STK32B: variants seen among roughly 807,000 people sequenced by gnomAD.
The protein encoded by STK32B is serine/threonine-protein kinase 32B.
STK32B carries 43 observed loss-of-function variants against 52.6 expected under a neutral mutation model. That is an observed-to-expected ratio of 0.82 (90% CI 0.64 to 1.05). The LOEUF (loss-of-function observed/expected upper bound fraction) is 1.05. Ranked by LOEUF, STK32B falls within the 50% of genes least tolerant of loss-of-function variation. The pLI is 0.00. For synonymous variants in STK32B, 238 were observed against 204.3 expected, an observed-to-expected ratio of 1.17 and a Z score of -1.41; for missense variants, 621 against 534.6, an observed-to-expected ratio of 1.16 and a Z score of -1.59.
chr4:5,359,729 T>G (rs1352269671), intron 4 of STK32B, among the ~76,000 whole-genome samples: 2 of 152,026 alleles, frequency 1.3e-5, no homozygotes, highest in Admixed American at 6.6e-5. Flanking sequence ...TGGCAACATT[T>G]CCAGGCGGAG....
intron 6 of STK32B, among the ~76,000 whole-genome samples, chr4:5,428,424 C>A (rs1713279622): frequency 6.6e-6 from 1 of 151,938 alleles, no homozygotes. Context: ...ACAAAACAAA[C>A]AAACAAAAAA....
intron 2 of STK32B, among the ~76,000 whole-genome samples, chr4:5,165,941 C>A (rs895018498): frequency 2.0e-5 from 3 of 152,190 alleles, no homozygotes; most frequent in Non-Finnish European, 4.4e-5. Context: ...ACTCCCACTT[C>A]CTGCTCCTGT....
chr4:5,365,340 T>C (rs1327462005), intron 4 of STK32B, among the ~76,000 whole-genome samples: 2 of 152,214 alleles, frequency 1.3e-5, no homozygotes, highest in East Asian at 3.8e-4. Flanking sequence ...TTTGAACTGT[T>C]TGGTGCATTT....
At chr4:5,353,730 C>G (rs1287788846) in intron 4 of STK32B, among the ~76,000 whole-genome samples, 1 of 151,984 alleles carries the variant, frequency 6.6e-6, no homozygotes, top group Non-Finnish European at 1.5e-5. Flanking sequence ...ACTAAAAGGA[C>G]AAAATAATAG....
chr4:5,186,342 T>C (rs946080498), intron 3 of STK32B, among the ~76,000 whole-genome samples: 2 of 152,168 alleles, frequency 1.3e-5, no homozygotes, highest in Admixed American at 1.3e-4. Flanking sequence ...CATACCTTAT[T>C]CATCTCTGTC....
intron 1 of STK32B, among the ~76,000 whole-genome samples, chr4:5,072,188 C>T (rs1242869934): frequency 6.6e-6 from 1 of 152,144 alleles, no homozygotes; most frequent in African/African-American, 2.4e-5. Flanking sequence ...CTAGTATATT[C>T]TACACTGACA....
intron 3 of STK32B, among the ~76,000 whole-genome samples, chr4:5,321,463 G>A (rs1440514797): frequency 6.6e-6 from 1 of 152,132 alleles, no homozygotes; most frequent in African/African-American, 2.4e-5. Context: ...GGGCTGTGTT[G>A]GTCATTCCCC....
chr4:5,238,278 C>T (rs73081663), intron 3 of STK32B, among the ~76,000 whole-genome samples: 1,699 of 152,134 alleles, frequency 0.011, 41 homozygotes, highest in African/African-American at 0.038. Flanking sequence ...TTCTAGTGGG[C>T]GGTTGTAGGA....
At chr4:5,052,863 A>C (rs980810328) in intron 1 of STK32B, among the ~76,000 whole-genome samples, 11 of 152,188 alleles carry the variant, frequency 7.2e-5, no homozygotes, top group African/African-American at 2.4e-4. Context: ...CTGAGCACTT[A>C]CTATGTTCCA....
At chr4:5,350,650 T>C (rs1733765882) in intron 4 of STK32B, among the ~76,000 whole-genome samples, 1 of 152,132 alleles carries the variant, frequency 6.6e-6, no homozygotes, top group Admixed American at 6.5e-5. Flanking sequence ...AATAATAACA[T>C]TGAATGTAAA....
At chr4:5,176,598 C>T (rs1719923032) in intron 3 of STK32B, among the ~76,000 whole-genome samples, 1 of 152,062 alleles carries the variant, frequency 6.6e-6, no homozygotes, top group Non-Finnish European at 1.5e-5. Flanking sequence ...CGCCTGCCAC[C>T]ACACGCAGTT....
intron 3 of STK32B, among the ~76,000 whole-genome samples, chr4:5,240,674 G>T (rs1468036993): frequency 6.6e-6 from 1 of 152,084 alleles, no homozygotes; most frequent in African/African-American, 2.4e-5. Flanking sequence ...TGGCCAGGCT[G>T]GTTTTGAACT....
At chr4:5,305,494 G>C (rs186547904) in intron 3 of STK32B, among the ~76,000 whole-genome samples, 1 of 151,972 alleles carries the variant, frequency 6.6e-6, no homozygotes, top group African/African-American at 2.4e-5. Flanking sequence ...GTGTGTAAAG[G>C]TGTTCATAGT....
rs140451969 is a variant in STK32B, at chr4:5,284,907, A to G, written c.261-46313A>G. ...ACAAAGTGCCACTTGTGGTGCTAGA[A>G]ACGCTCCCAAGAAACAGAAAAATCA... On this transcript the variant is annotated intron_variant, in intron 3 of 11. Coordinates refer to ENST00000282908, the MANE Select transcript of STK32B (RefSeq NM_018401.3). Among the ~76,000 whole-genome samples the G allele has an allele frequency of 1.1e-3, 173 of 152,308 alleles. 2 individuals carry two copies. The highest frequency in any genetic ancestry group is 4.0e-3 in the African/African-American group (165 of 41,562).
At chr4:5,110,344 A>G (rs939952761) in intron 1 of STK32B, among the ~76,000 whole-genome samples, 1 of 151,844 alleles carries the variant, frequency 6.6e-6, no homozygotes, top group Non-Finnish European at 1.5e-5. Flanking sequence ...GAGACATCAC[A>G]TTGCTTGATT....
At chr4:5,261,550 G>A (rs996890297) in intron 3 of STK32B, among the ~76,000 whole-genome samples, 1 of 152,096 alleles carries the variant, frequency 6.6e-6, no homozygotes, top group African/African-American at 2.4e-5. Context: ...CAGTAGTTCT[G>A]CAGAGTTTGC....
chr4:5,440,762 A>G (rs1371241194), intron 6 of STK32B, among the ~76,000 whole-genome samples: 1 of 152,080 alleles, frequency 6.6e-6, no homozygotes, highest in Non-Finnish European at 1.5e-5. Context: ...AGCTCTTATT[A>G]TTTTGAAATA....
intron 6 of STK32B, chr4:5,437,895 A>G: frequency 1.0e-6 from 1 of 984,862 alleles, no homozygotes; most frequent in Non-Finnish European, 1.2e-6. Context: ...TGGCATAGGG[A>G]TTATGATATC....
chr4:5,236,739 G>C (rs184586037), intron 3 of STK32B, among the ~76,000 whole-genome samples: 16 of 152,308 alleles, frequency 1.1e-4, no homozygotes, highest in African/African-American at 3.8e-4. Flanking sequence ...ATACGGTATT[G>C]TGTTGCATGA....
Sources: gnomAD v4.1 joint callset for allele counts (sites outside exome capture counted in the v4.1 genomes callset) on GRCh38, gnomAD v4.1.1 for gene constraint, MANE v1.5 for transcripts, NCBI Gene and HGNC (gene_info 2026-07-23, HGNC 2026-07-21) for gene names.